Variants in CAMTA1 observed in about 807,000 individuals in gnomAD.
CAMTA1 encodes calmodulin-binding transcription activator 1.
CAMTA1 carries 27 observed loss-of-function variants against 170.9 expected under a neutral mutation model. The observed-to-expected ratio is 0.16, with a 90% CI of 0.12 to 0.22. The LOEUF (loss-of-function observed/expected upper bound fraction) is 0.22. Among genes scored for constraint, CAMTA1 ranks in the 10% least tolerant of loss-of-function variants. The probability of loss-of-function intolerance (pLI) is 1.00; values close to 1 mark genes in which losing one functional copy is unlikely to be tolerated. For synonymous variants in CAMTA1, 833 were observed against 891.5 expected (o/e 0.93, Z 1.17); for missense variants, 1,619 against 2,217.2 (o/e 0.73, Z 5.42).
intron 11 of CAMTA1, among the ~76,000 whole-genome samples, chr1:7,729,512 C>T (rs1577240694): frequency 6.6e-6 from 1 of 152,208 alleles, no homozygotes; most frequent in South Asian, 2.1e-4. Flanking sequence ...GACTGAACTG[C>T]TGACTGGGTA....
intron 5 of CAMTA1, among the ~76,000 whole-genome samples, chr1:7,320,856 C>T (rs958990723): frequency 6.6e-6 from 1 of 152,082 alleles, no homozygotes; most frequent in South Asian, 2.1e-4. Flanking sequence ...TCAGTGGATC[C>T]ATTGTAATGA....
At chr1:7,755,524 T>A in intron 21 of CAMTA1, 114 bp from the exon 22 acceptor site, 1 of 857,362 alleles carries the variant, frequency 1.2e-6, no homozygotes, top group Non-Finnish European at 2.0e-6. Flanking sequence ...TTTTCTTTCT[T>A]TCCAAAAAAG....
intron 6 of CAMTA1, among the ~76,000 whole-genome samples, chr1:7,495,839 C>T (rs2093817728): frequency 6.6e-6 from 1 of 152,232 alleles, no homozygotes; most frequent in Non-Finnish European, 1.5e-5. Context: ...GAACAGAGTT[C>T]CTCTCAGGGC....
rs1160302921 is a variant in CAMTA1, at chr1:7,630,829, CCA to C, written c.511-9567_511-9566del. 3.9e-5 allele frequency among the ~76,000 whole-genome samples: 6 copies of C among 152,352 alleles called. No homozygotes were observed. In the South Asian group the frequency reaches 1.0e-3, roughly 26 times the overall value. ...AGTGGGGAGGTGTTCTGTGTGCCTG[CCA>C]CACTCGGCCGCAGTGGGAGATCCCT... is the stretch of plus-strand genomic sequence containing the variant. On this transcript the variant is annotated intron_variant, in intron 6 of 22. Coordinates refer to ENST00000303635, the MANE Select transcript of CAMTA1 (RefSeq NM_015215.4).
intron 6 of CAMTA1, among the ~76,000 whole-genome samples, chr1:7,511,107 G>A (rs988130919): frequency 6.9e-6 from 1 of 145,496 alleles, no homozygotes; most frequent in Non-Finnish European, 1.5e-5. Context: ...GGTGTCAGCC[G>A]AGCCTCCTGG....
chr1:7,476,209 G>A (rs1009883477), intron 6 of CAMTA1, among the ~76,000 whole-genome samples: 2 of 152,206 alleles, frequency 1.3e-5, no homozygotes, highest in Admixed American at 1.3e-4. Flanking sequence ...ACTCCAAGGG[G>A]TAGCTGGAAC....
intron 3 of CAMTA1, among the ~76,000 whole-genome samples, chr1:6,863,249 T>C (rs1665417203): frequency 6.6e-6 from 1 of 152,226 alleles, no homozygotes. Flanking sequence ...GTAGTCACCG[T>C]GCTGTACATT....
At chr1:7,140,082 A>G (rs77062421) in intron 4 of CAMTA1, among the ~76,000 whole-genome samples, 1,734 of 152,288 alleles carry the variant, frequency 0.011, 30 homozygotes, top group African/African-American at 0.039. Flanking sequence ...GAACAGGCTC[A>G]GAGAGGTGAA....
chr1:7,442,749 A>G (rs189279481), intron 5 of CAMTA1, among the ~76,000 whole-genome samples: 1 of 152,312 alleles, frequency 6.6e-6, no homozygotes, highest in Non-Finnish European at 1.5e-5. Flanking sequence ...TTAAGAGTAA[A>G]TGAGACAATA....
intron 3 of CAMTA1, among the ~76,000 whole-genome samples, chr1:6,937,312 TCATCAC>T (rs1240492473): frequency 3.4e-5 from 5 of 148,060 alleles, no homozygotes; most frequent in Middle Eastern, 3.6e-3. Flanking sequence ...ACCACCACCA[TCATCAC>T]CATCACCATC....
At chr1:7,423,666 T>C (rs2091715552) in intron 5 of CAMTA1, among the ~76,000 whole-genome samples, 2 of 152,074 alleles carry the variant, frequency 1.3e-5, no homozygotes, top group African/African-American at 2.4e-5. Flanking sequence ...GTAATCTCTC[T>C]GATCAGTTTT....
chr1:7,689,525 G>C lies in CAMTA1; in HGVS notation c.2914+11792G>C, dbSNP rs185471835. ...GCCCTGGAGGTTGAGGCTGCAGTGA[G>C]CTGAGATTGTGCCATTGCACTCTAG... On this transcript the variant is annotated intron_variant, in intron 11 of 22. Transcript: ENST00000303635. Among the ~76,000 whole-genome samples, 164 of 152,290 alleles carry C rather than the reference G, an allele frequency of 1.1e-3. 1 individual carries two copies. The highest frequency in any genetic ancestry group is 3.8e-3 in the African/African-American group (157 of 41,556).
intron 5 of CAMTA1, among the ~76,000 whole-genome samples, chr1:7,256,161 A>T (rs1199014118): frequency 6.6e-6 from 1 of 152,248 alleles, no homozygotes; most frequent in Admixed American, 6.5e-5. Flanking sequence ...GTTCTTCCTT[A>T]ATTTCTAATT....
At chr1:7,475,339 C>A (rs60605699) in intron 6 of CAMTA1, among the ~76,000 whole-genome samples, 1 of 151,898 alleles carries the variant, frequency 6.6e-6, no homozygotes, top group Non-Finnish European at 1.5e-5. Context: ...TGAGGCTTGG[C>A]GGGGGGGATT....
At chr1:7,009,004 G>A (rs1016284463) in intron 3 of CAMTA1, among the ~76,000 whole-genome samples, 27 of 152,208 alleles carry the variant, frequency 1.8e-4, no homozygotes, top group Non-Finnish European at 3.8e-4. Flanking sequence ...GTCCTTGGGA[G>A]CCTCCAGCAT....
At chr1:6,834,519 C>T in intron 3 of CAMTA1, 1 of 253,988 alleles carries the variant, frequency 3.9e-6, no homozygotes, top group Non-Finnish European at 7.7e-6. Flanking sequence ...CCACATTTGC[C>T]ACAGGTCAAC....
chr1:6,977,463 C>A (rs1693654874), intron 3 of CAMTA1, among the ~76,000 whole-genome samples: 2 of 152,116 alleles, frequency 1.3e-5, no homozygotes, highest in African/African-American at 4.8e-5. Flanking sequence ...GCCTCAGCCT[C>A]CCGAGTAGCT....
chr1:6,968,414 C>T (rs182000188), intron 3 of CAMTA1, among the ~76,000 whole-genome samples: 22 of 152,318 alleles, frequency 1.4e-4, no homozygotes, highest in South Asian at 6.2e-4. Flanking sequence ...TTCTCCTCCC[C>T]GCTCCCTGCC....
At chr1:7,425,569 T>A (rs1234481937) in intron 5 of CAMTA1, among the ~76,000 whole-genome samples, 1 of 151,750 alleles carries the variant, frequency 6.6e-6, no homozygotes, top group African/African-American at 2.4e-5. Flanking sequence ...TGGGAAGCTA[T>A]GGGTCGGGGT....
Sources: gnomAD v4.1 joint callset for allele counts (sites outside exome capture counted in the v4.1 genomes callset) on GRCh38, gnomAD v4.1.1 for gene constraint, MANE v1.5 for transcripts, NCBI Gene and HGNC (gene_info 2026-07-23, HGNC 2026-07-21) for gene names.